SOX5: variants seen among roughly 807,000 people sequenced by gnomAD.
The protein encoded by SOX5 is transcription factor SOX-5.
Under a neutral mutation model 92.0 loss-of-function variants are expected in SOX5, and 9 were observed. The ratio of observed to expected loss-of-function variants is 0.10; its 90% CI spans 0.06 to 0.17. The LOEUF (loss-of-function observed/expected upper bound fraction) is 0.17. Among genes scored for constraint, SOX5 ranks in the 10% least tolerant of loss-of-function variants. The pLI is 1.00. For synonymous variants in SOX5, 344 were observed against 336.3 expected (o/e 1.02, Z -0.25); for missense variants, 642 against 944.5 (o/e 0.68, Z 4.20).
In SOX5 at chr12:23,570,967, ATATATATATATATATATT is replaced by A. The variant is rs1565916255; in HGVS notation, c.1342+4676_1342+4693del. ...TATATATATATATATATATATATAT[ATATATATATATATATATT>A]TTCATATTTTTGTATTTTTGGTGGT... On this transcript the variant is annotated intron_variant, in intron 10 of 14. Coordinates refer to ENST00000451604, the MANE Select transcript of SOX5 (RefSeq NM_006940.6). Among the ~76,000 whole-genome samples the A allele has an allele frequency of 9.3e-5, 7 of 75,276 alleles. No individual in the cohort carries two copies. The South Asian group carries it at 1.4e-3, about 15-fold the overall frequency. 49.4% of individuals were successfully genotyped at this position (75,276 alleles called of 152,430 possible).
At chr12:24,145,952 A>T (rs994844392) in intron 4 of SOX5, among the ~76,000 whole-genome samples, 3 of 152,248 alleles carry the variant, frequency 2.0e-5, no homozygotes, top group African/African-American at 7.2e-5. Context: ...AAGCTTAAAC[A>T]TCTATGAATG....
At chr12:24,063,133 C>T (rs553402630) in intron 4 of SOX5, among the ~76,000 whole-genome samples, 2 of 152,332 alleles carry the variant, frequency 1.3e-5, no homozygotes, top group Non-Finnish European at 2.9e-5. Flanking sequence ...AATTCACCCA[C>T]ACACTCACTT....
intron 10 of SOX5, among the ~76,000 whole-genome samples, chr12:23,573,074 C>T (rs1048970449): frequency 5.3e-5 from 8 of 152,274 alleles, no homozygotes; most frequent in African/African-American, 1.9e-4. Flanking sequence ...AAAAGTTTTT[C>T]TCCTTTACAA....
At chr12:24,108,920 A>G (rs896913734) in intron 4 of SOX5, among the ~76,000 whole-genome samples, 1 of 152,134 alleles carries the variant, frequency 6.6e-6, no homozygotes, top group African/African-American at 2.4e-5. Context: ...TTATATAGTC[A>G]TCATTAACAT....
chr12:23,608,087 T>C (rs1197686923), intron 8 of SOX5, among the ~76,000 whole-genome samples: 3 of 109,542 alleles, frequency 2.7e-5, no homozygotes, highest in East Asian at 5.3e-4. Flanking sequence ...CTGGGCAACA[T>C]AGTGAGACGT....
chr12:23,548,357 A>C (rs1403308286), intron 11 of SOX5, among the ~76,000 whole-genome samples: 1 of 152,016 alleles, frequency 6.6e-6, no homozygotes, highest in East Asian at 1.9e-4. Context: ...TTTTACAATA[A>C]GTAACCTATA....
At chr12:24,499,499 G>A (rs955174370) in intron 1 of SOX5, among the ~76,000 whole-genome samples, 5 of 152,228 alleles carry the variant, frequency 3.3e-5, no homozygotes, top group African/African-American at 1.2e-4. Flanking sequence ...TGCTCAGGAA[G>A]GATGGAATAA....
chr12:23,898,057 C>T (rs940738800), intron 1 of SOX5, among the ~76,000 whole-genome samples: 3 of 152,148 alleles, frequency 2.0e-5, no homozygotes, highest in Non-Finnish European at 4.4e-5. Context: ...TACATAATAA[C>T]ATAATAACCC....
chr12:24,466,204 T>G (rs368073584), intron 1 of SOX5, among the ~76,000 whole-genome samples: 2 of 152,024 alleles, frequency 1.3e-5, no homozygotes, highest in Non-Finnish European at 2.9e-5. Context: ...CCTCATCTTC[T>G]TTTCTTCCTC....
At chr12:23,539,855 G>T (rs957299779) in intron 13 of SOX5, among the ~76,000 whole-genome samples, 1 of 152,088 alleles carries the variant, frequency 6.6e-6, no homozygotes, top group African/African-American at 2.4e-5. Flanking sequence ...TACTAACCGG[G>T]TCAAATGGCT....
rs147567523 is a variant in SOX5, at chr12:23,859,128, A to G, written c.271-12935T>C. The stretch of plus-strand genomic sequence containing the variant: ...TCAGGGCACCCTGAAAAAGAACAGA[A>G]TAACAGCGATTTTCAGGGAACAAGG... On this transcript the variant is annotated intron_variant, in intron 2 of 14. Coordinates refer to ENST00000451604, the MANE Select transcript of SOX5 (RefSeq NM_006940.6). 3.3e-3 allele frequency among the ~76,000 whole-genome samples: 496 copies of G among 152,310 alleles called. 2 individuals carry two copies. The highest frequency in any genetic ancestry group is 0.012 in the African/African-American group (479 of 41,566).
At chr12:23,676,587 G>T (rs533270689) in intron 6 of SOX5, among the ~76,000 whole-genome samples, 105 of 152,240 alleles carry the variant, frequency 6.9e-4, no homozygotes, top group African/African-American at 2.4e-3. Flanking sequence ...AGCGAAGCTA[G>T]GGCAGAAGAA....
At chr12:24,255,639 C>A (rs1051763931) in intron 3 of SOX5, among the ~76,000 whole-genome samples, 1 of 152,200 alleles carries the variant, frequency 6.6e-6, no homozygotes, top group East Asian at 1.9e-4. Flanking sequence ...TAATTATCTA[C>A]ATTGGAGTTT....
intron 1 of SOX5, among the ~76,000 whole-genome samples, chr12:24,404,237 C>T (rs974112992): frequency 7.9e-5 from 12 of 151,974 alleles, no homozygotes; most frequent in Admixed American, 1.3e-4. Context: ...ATATGCCCTA[C>T]GTGAAGCCGA....
rs1040498129 is a variant in SOX5 at position 24,406,196 on chromosome 12, A to G, written c.-250-37557T>C. Among the ~76,000 whole-genome samples, 5 of 152,314 alleles carry G rather than the reference A, an allele frequency of 3.3e-5. No homozygotes were observed. In the East Asian group the frequency reaches 9.7e-4, roughly 29 times the overall value. ...TGTGAGAGAGCCAGCCTGAAGCCCA[A>G]GAGGATCAACGGCGGTATTCACAAG... is the stretch of plus-strand genomic sequence containing the variant. On this transcript the variant is annotated intron_variant, in intron 1 of 4. Transcript: ENST00000446891.
chr12:23,649,368 A>G (rs2081273158), intron 7 of SOX5, among the ~76,000 whole-genome samples: 1 of 152,110 alleles, frequency 6.6e-6, no homozygotes, highest in South Asian at 2.1e-4. Context: ...ATTACAACAG[A>G]TTTATTTTGT....
At chr12:23,966,604 T>C (rs1445926919) in intron 4 of SOX5, among the ~76,000 whole-genome samples, 1 of 152,100 alleles carries the variant, frequency 6.6e-6, no homozygotes, top group Non-Finnish European at 1.5e-5. Flanking sequence ...ATTAAAAAAA[T>C]CTGAGAAGTG....
intron 2 of SOX5, among the ~76,000 whole-genome samples, chr12:24,324,543 G>A (rs745923288): frequency 6.6e-6 from 1 of 151,006 alleles, no homozygotes; most frequent in East Asian, 1.9e-4. Flanking sequence ...AAAGTTAACC[G>A]TACTGACATT....
At chr12:23,592,779 A>T (rs1169629364) in intron 9 of SOX5, among the ~76,000 whole-genome samples, 1 of 152,164 alleles carries the variant, frequency 6.6e-6, no homozygotes, top group Non-Finnish European at 1.5e-5. Flanking sequence ...TTTAAATAAG[A>T]GATATAAAAT....
Sources: allele counts gnomAD v4.1 joint callset (sites outside exome capture counted in the v4.1 genomes callset), GRCh38; gene constraint gnomAD v4.1.1; transcripts MANE v1.5; gene names NCBI Gene and HGNC (gene_info 2026-07-23, HGNC 2026-07-21).